The following EXOSC9 variants were observed in gnomAD, a reference collection of about 807,000 sequenced individuals.
The protein encoded by EXOSC9 is exosome complex component RRP45.
A neutral mutation model predicts 56.5 loss-of-function variants in EXOSC9; 38 were observed. The observed-to-expected ratio is 0.67, with a 90% CI of 0.52 to 0.88. EXOSC9 has a LOEUF of 0.88. Among genes scored for constraint, EXOSC9 ranks in the 40% least tolerant of loss-of-function variants. The probability of loss-of-function intolerance (pLI) is 0.00; values close to 1 mark genes in which losing one functional copy is unlikely to be tolerated. For missense variants in EXOSC9, 559 were observed against 530.5 expected (o/e 1.05, Z -0.53); for synonymous variants, 170 against 170.8 (o/e 0.99, Z 0.04).
intron 5 of EXOSC9, among the ~76,000 whole-genome samples, chr4:121,804,972 C>T (rs539131965): frequency 3.5e-4 from 54 of 152,236 alleles, no homozygotes; most frequent in African/African-American, 1.2e-3. Context: ...AAGAACATAC[C>T]CTAGCCTGGT....
chr4:121,808,877 G>A (rs571516935), intron 6 of EXOSC9, among the ~76,000 whole-genome samples: 2 of 151,778 alleles, frequency 1.3e-5, no homozygotes, highest in Admixed American at 6.6e-5. Flanking sequence ...ATTTCACTAC[G>A]TTGCCCAGGA....
Position 121,802,714 on chromosome 4 carries a change from C to G in EXOSC9, c.202C>G (p.Leu68Val). The change falls in exon 3 of 12, where the codon CTC becomes GTC. Residue 68 changes from leucine (L) to valine (V), a missense_variant. By Grantham distance (32) the Leu-to-Val change is conservative. Transcript: ENST00000243498. The stretch of plus-strand genomic sequence containing the variant: ...TTCCTGTGAACTTGTGTCTCCAAAA[C>G]TCAATCGGGCAACAGAAGGTATTCT... ...QVSCELVSPK[L>V]NRATEGILFF... 2 of 1,614,074 alleles carry G rather than the reference C, an allele frequency of 1.2e-6. No individual in the cohort carries two copies. Among genetic ancestry groups the G allele is most frequent in the East Asian group, 2.2e-5 (1 of 44,870 alleles).
chr4:121,809,019 C>A (rs1014770010), intron 6 of EXOSC9, among the ~76,000 whole-genome samples: 1 of 151,136 alleles, frequency 6.6e-6, no homozygotes, highest in African/African-American at 2.4e-5. Flanking sequence ...GTGACAGGGT[C>A]TCACTCTCAC....
intron 10 of EXOSC9, chr4:121,815,911 A>G (rs564951381): frequency 4.4e-5 from 53 of 1,200,982 alleles, no homozygotes; most frequent in South Asian, 3.4e-4. Context: ...AATGTTACAG[A>G]TGAGTTCTAG....
At chr4:121,816,027 T>C (rs901477431) in intron 10 of EXOSC9, 2 of 1,075,584 alleles carry the variant, frequency 1.9e-6, no homozygotes, top group Non-Finnish European at 1.2e-6. Context: ...TGGAGTGCAG[T>C]GGCACTGCAA....
intron 1 of EXOSC9, 148 bp from the exon 2 acceptor site, chr4:121,801,679 T>C (rs2149033345): frequency 6.3e-6 from 5 of 790,666 alleles, no homozygotes; most frequent in East Asian, 5.3e-5. Flanking sequence ...GCAGCAGTTG[T>C]CCATGCTGTA....
chr4:121,816,539 C>A, intron 11 of EXOSC9, 92 bp downstream of exon 11: 1 of 897,844 alleles, frequency 1.1e-6, no homozygotes, highest in Non-Finnish European at 1.7e-6. Context: ...TGCCACATGA[C>A]TATAAACAAA....
intron 10 of EXOSC9, chr4:121,814,586 A>G (rs1724414647): frequency 6.6e-6 from 1 of 152,012 alleles, no homozygotes; most frequent in Non-Finnish European, 1.5e-5. Context: ...CTATGATGAT[A>G]GAAACATTAA....
intron 10 of EXOSC9, chr4:121,815,776 C>G: frequency 2.0e-6 from 2 of 1,001,744 alleles, no homozygotes; most frequent in Non-Finnish European, 2.4e-6. Flanking sequence ...AATAGAGTAG[C>G]ACAAACAATT....
intron 7 of EXOSC9, among the ~76,000 whole-genome samples, chr4:121,810,424 A>C (rs985584356): frequency 3.3e-5 from 5 of 151,438 alleles, no homozygotes; most frequent in African/African-American, 1.2e-4. Context: ...TTACGCCTGT[A>C]ATCCCAGCAC....
At chr4:121,806,740 C>T (rs890930687) in intron 5 of EXOSC9, among the ~76,000 whole-genome samples, 2 of 151,940 alleles carry the variant, frequency 1.3e-5, no homozygotes, top group African/African-American at 4.8e-5. Flanking sequence ...TTGAAAGAAG[C>T]CAGGCACAAA....
Position 121,801,877 on chromosome 4 carries a change from T to G in EXOSC9, c.117T>G (p.Phe39Leu). 1 of 1,614,120 alleles carries G rather than the reference T, an allele frequency of 6.2e-7. No individual in the cohort carries two copies. The highest frequency in any genetic ancestry group is 8.5e-7 in the Non-Finnish European group (1 of 1,179,958). ...TYDYRNIRISFGTDYGCCIVE... is the reference protein window; with the variant it reads ...TYDYRNIRISLGTDYGCCIVE... ...ATTATAGGAACATCAGGATCTCATT[T>G]GGAACAGATTACGGATGCTGCATTG... is the stretch of plus-strand genomic sequence containing the variant. Residue 39 changes from phenylalanine (F) to leucine (L), a missense_variant, in exon 2 of 12, where the codon TTT (phenylalanine) becomes TTG (leucine). Physicochemically the swap from Phe to Leu is conservative, Grantham distance 22. Transcript: ENST00000243498.
intron 10 of EXOSC9, chr4:121,814,543 T>A (rs1724411009): frequency 6.6e-6 from 1 of 152,402 alleles, no homozygotes; most frequent in African/African-American, 2.4e-5. Context: ...CCATCCCATA[T>A]CATAACATAT....
chr4:121,816,033 T>G (rs1724486889), intron 10 of EXOSC9: 1 of 1,044,950 alleles, frequency 9.6e-7, no homozygotes, highest in African/African-American at 1.7e-5. Flanking sequence ...GCAGTGGCAC[T>G]GCAACCTCCA....
intron 2 of EXOSC9, among the ~76,000 whole-genome samples, chr4:121,802,218 G>T (rs1038046433): frequency 2.6e-5 from 4 of 152,178 alleles, no homozygotes; most frequent in Non-Finnish European, 5.9e-5. Flanking sequence ...GAGATCTTGA[G>T]CATCTTGTCA....
At chr4:121,809,032 A>G (rs1425156708) in intron 6 of EXOSC9, among the ~76,000 whole-genome samples, 5 of 151,660 alleles carry the variant, frequency 3.3e-5, no homozygotes, top group Admixed American at 6.6e-5. Context: ...ACTCTCACCC[A>G]GGCTGGAGTG....
chr4:121,813,124 A>G, intron 8 of EXOSC9, 110 bp from the exon 9 acceptor site: 1 of 1,021,728 alleles, frequency 9.8e-7, no homozygotes, highest in East Asian at 2.5e-5. Context: ...CTCTTCCAAT[A>G]TTTTTCATCC....
Position 121,802,668 on chromosome 4 carries a change from T to C in EXOSC9, c.162-6T>C. On this transcript the variant is annotated splice_region_variant and splice_polypyrimidine_tract_variant and intron_variant, in intron 2 of 11. Coordinates refer to ENST00000243498, the MANE Select transcript of EXOSC9 (RefSeq NM_005033.3). Reference sequence around the variant, plus strand: ...TGGTTAATACTTTGTAACTTTATCTTTGCAGAGTTCTTGGACAGGTTTCCT... The same window carrying C: ...TGGTTAATACTTTGTAACTTTATCTCTGCAGAGTTCTTGGACAGGTTTCCT... The C allele has an allele frequency of 1.2e-6, 2 of 1,612,902 alleles. No homozygotes were observed. Among genetic ancestry groups the C allele is most frequent in the Admixed American group, 1.7e-5 (1 of 59,566 alleles).
At chr4:121,815,247 T>C (rs370156128) in intron 10 of EXOSC9, 1 of 356,830 alleles carries the variant, frequency 2.8e-6, no homozygotes. Context: ...TGAATATAAC[T>C]AGTTGGTTTA....
Sources: allele counts gnomAD v4.1 joint callset (sites outside exome capture counted in the v4.1 genomes callset), GRCh38; gene constraint gnomAD v4.1.1; transcripts MANE v1.5; gene names NCBI Gene and HGNC (gene_info 2026-07-23, HGNC 2026-07-21).